COL5A1: variants seen among roughly 807,000 people sequenced by gnomAD.
COL5A1 encodes the protein collagen type V alpha 1 chain.
Under a neutral mutation model 263.7 loss-of-function variants are expected in COL5A1, and 16 were observed. The ratio of observed to expected loss-of-function variants is 0.06; its 90% CI spans 0.04 to 0.09. COL5A1 has a LOEUF of 0.09. Ranked by LOEUF, COL5A1 falls within the 10% of genes least tolerant of loss-of-function variation. COL5A1 has a pLI of 1.00. For missense variants in COL5A1, 2,036 were observed against 2,540.5 expected, an observed-to-expected ratio of 0.80 and a Z score of 4.27; for synonymous variants, 1,012 against 1,004.5, an observed-to-expected ratio of 1.01 and a Z score of -0.14.
chr9:134,835,254 C>G (rs1839811303), intron 65 of COL5A1, 50 bp downstream of exon 65: 1 of 1,516,272 alleles, frequency 6.6e-7, no homozygotes, highest in African/African-American at 1.4e-5. Flanking sequence ...CTCCGTGGGG[C>G]TCGCTCCTCA....
intron 20 of COL5A1, among the ~76,000 whole-genome samples, chr9:134,764,361 T>C (rs1836582587): frequency 8.6e-6 from 1 of 116,688 alleles, no homozygotes; most frequent in African/African-American, 3.6e-5. Context: ...TTGTGGGGGA[T>C]CTGAGTGCAT....
At chr9:134,752,441 A>T in intron 13 of COL5A1, 148 bp from the exon 14 acceptor site, 1 of 553,810 alleles carries the variant, frequency 1.8e-6, no homozygotes, top group Non-Finnish European at 3.3e-6. Flanking sequence ...GCCCTTGGGG[A>T]GTCATCAGAC....
chr9:134,811,344 T>A lies in COL5A1; in HGVS notation c.3534T>A (p.Pro1178=). The change falls in exon 45 of 66, where the codon CCT becomes CCA. Residue 1178 remains proline (P), a synonymous_variant. Transcript: ENST00000371817. Reference sequence around the variant, plus strand: ...CTCTGTCTTGTTCCCCGCAGGGTCCTCCTGGGCCTACAGGTCCTCAAGGCC... The same window carrying A: ...CTCTGTCTTGTTCCCCGCAGGGTCCACCTGGGCCTACAGGTCCTCAAGGCC... ...GSKGDKGEQG[P]PGPTGPQGPI... is the part of the protein sequence containing the mutation. The A allele has an allele frequency of 6.2e-7, 1 of 1,614,078 alleles. No individual in the cohort carries two copies. The highest frequency in any genetic ancestry group is 1.7e-5 in the Admixed American group (1 of 60,024).
intron 26 of COL5A1, among the ~76,000 whole-genome samples, chr9:134,774,235 C>A (rs751824477): frequency 2.6e-5 from 4 of 152,222 alleles, no homozygotes; most frequent in Admixed American, 6.5e-5. Flanking sequence ...AGAGCTGCAG[C>A]CTTGCAGAGG....
At chr9:134,777,656 G>T (rs933382031) in intron 27 of COL5A1, among the ~76,000 whole-genome samples, 2 of 152,198 alleles carry the variant, frequency 1.3e-5, no homozygotes, top group Non-Finnish European at 1.5e-5. Flanking sequence ...ACCGAGAGGG[G>T]TCTCAGGAGG....
At chr9:134,804,514 A>G (rs893029556) in intron 39 of COL5A1, among the ~76,000 whole-genome samples, 1 of 152,236 alleles carries the variant, frequency 6.6e-6, no homozygotes, top group African/African-American at 2.4e-5. Context: ...TATGGAAAAG[A>G]TAGACGTGCC....
At chr9:134,775,102 G>A (rs1250889322) in intron 27 of COL5A1, among the ~76,000 whole-genome samples, 190 bp downstream of exon 27, 3 of 152,250 alleles carry the variant, frequency 2.0e-5, no homozygotes, top group East Asian at 1.9e-4. Flanking sequence ...AGGTGAGGGT[G>A]TGACCAGCTA....
At chr9:134,814,184 C>T (rs1180902971) in intron 49 of COL5A1, 148 bp downstream of exon 49, 1 of 811,912 alleles carries the variant, frequency 1.2e-6, no homozygotes, top group African/African-American at 1.7e-5. Context: ...CATGGAATGA[C>T]CGTGAACAAG....
chr9:134,802,737 A>C, intron 38 of COL5A1, 151 bp from the exon 39 acceptor site: 2 of 692,034 alleles, frequency 2.9e-6, no homozygotes, highest in Non-Finnish European at 5.2e-6. Flanking sequence ...TTTGCCGGGA[A>C]GAGAAGGCTT....
At chr9:134,822,718 G>GCCACC (rs370666409) in intron 59 of COL5A1, among the ~76,000 whole-genome samples, 1 of 143,092 alleles carries the variant, frequency 7.0e-6, no homozygotes, top group African/African-American at 2.9e-5. Context: ...CTTTTCCGCT[G>GCCACC]CGCCCCCCCC....
At chr9:134,839,717 G>A (rs1839961781) in intron 65 of COL5A1, among the ~76,000 whole-genome samples, 2 of 152,222 alleles carry the variant, frequency 1.3e-5, no homozygotes, top group South Asian at 2.1e-4. Context: ...GTGGTCTCTG[G>A]CTCCTCGCCG....
intron 44 of COL5A1, among the ~76,000 whole-genome samples, chr9:134,810,629 T>C (rs1345185026): frequency 1.3e-5 from 2 of 152,220 alleles, no homozygotes; most frequent in African/African-American, 2.4e-5. Context: ...GGAACCAGAA[T>C]GCTCCGGCAG....
At chr9:134,724,785 ACTC>A (rs760849428) in intron 4 of COL5A1, among the ~76,000 whole-genome samples, 4 of 151,628 alleles carry the variant, frequency 2.6e-5, no homozygotes, top group African/African-American at 9.7e-5. Flanking sequence ...CTGTCACTAG[ACTC>A]CTCCTGGCCC....
chr9:134,759,879 C>T (rs1564438967), intron 18 of COL5A1, among the ~76,000 whole-genome samples: 1 of 111,830 alleles, frequency 8.9e-6, no homozygotes, highest in Non-Finnish European at 1.8e-5. Flanking sequence ...CATGCACACA[C>T]ACCACACAGG....
At chr9:134,766,348 C>G (rs756683749) in intron 21 of COL5A1, 106 bp from the exon 22 acceptor site, 1 of 1,093,022 alleles carries the variant, frequency 9.1e-7, no homozygotes, top group South Asian at 1.3e-5. Flanking sequence ...TCCTCTGATT[C>G]GTCGTGGGAT....
chr9:134,685,589 A>G (rs796935817), intron 1 of COL5A1, among the ~76,000 whole-genome samples: 2,903 of 17,178 alleles, frequency 0.17, 1 homozygote, highest in African/African-American at 0.37. Context: ...TCCATCCTCC[A>G]TCCATCCATC....
At chr9:134,723,086 C>G (rs982269695) in intron 4 of COL5A1, among the ~76,000 whole-genome samples, 8 of 152,184 alleles carry the variant, frequency 5.3e-5, no homozygotes, top group African/African-American at 9.7e-5. Flanking sequence ...TGGGTCACAG[C>G]CCCCGAGGTG....
intron 16 of COL5A1, 86 bp from the exon 17 acceptor site, chr9:134,756,679 A>T: frequency 6.9e-7 from 1 of 1,439,710 alleles, no homozygotes; most frequent in Non-Finnish European, 9.8e-7. Context: ...TGGAACGCTC[A>T]ACTTGGTTTA....
intron 1 of COL5A1, among the ~76,000 whole-genome samples, chr9:134,655,144 A>T (rs1235437540): frequency 1.1e-4 from 6 of 54,756 alleles, no homozygotes; most frequent in Non-Finnish European, 1.9e-4. Context: ...GTAGGGCTGG[A>T]GGTGTGTAGG....
Sources: gnomAD v4.1 joint callset for allele counts (sites outside exome capture counted in the v4.1 genomes callset) on GRCh38, gnomAD v4.1.1 for gene constraint, MANE v1.5 for transcripts, NCBI Gene and HGNC (gene_info 2026-07-23, HGNC 2026-07-21) for gene names.